The following ARIH1 variants were observed in gnomAD, a reference collection of about 807,000 sequenced individuals.
The protein encoded by ARIH1 is ariadne RBR E3 ubiquitin protein ligase 1, also known as E3 ubiquitin-protein ligase ARIH1.
In ARIH1, 8 loss-of-function variants were observed where a neutral mutation model predicts 85.0. The ratio of observed to expected loss-of-function variants is 0.09; its 90% CI spans 0.06 to 0.17. The LOEUF (loss-of-function observed/expected upper bound fraction) is 0.17. Ranked by LOEUF, ARIH1 falls within the 10% of genes least tolerant of loss-of-function variation. ARIH1 has a pLI of 1.00. For synonymous variants in ARIH1, 238 were observed against 253.6 expected (o/e 0.94, Z 0.59); for missense variants, 311 against 718.1 (o/e 0.43, Z 6.48).
intron 1 of ARIH1, among the ~76,000 whole-genome samples, chr15:72,500,884 A>C (rs2063900013): frequency 6.6e-6 from 1 of 152,214 alleles, no homozygotes; most frequent in African/African-American, 2.4e-5. Context: ...AACTTCTAAA[A>C]CTATGTATGT....
At position 72,518,072 on chromosome 15, in the gene ARIH1, A is replaced by G. The variant is rs1595859103; in HGVS notation, c.381A>G (p.Pro127=). ...TTTTTCCCCTCCTTCTTTAGAATCC[A>G]GCAACTATCACAAGAATACTCCTTA... ...IREVNEVIQN[P]ATITRILLSH... is the part of the protein sequence containing the mutation. Residue 127 remains proline, a synonymous_variant, in exon 2 of 14, where the codon CCA becomes CCG. Coordinates refer to ENST00000379887, the MANE Select transcript of ARIH1 (RefSeq NM_005744.5). The G allele has an allele frequency of 6.2e-7, 1 of 1,609,214 alleles. No individual in the cohort carries two copies. The highest frequency in any genetic ancestry group is 8.5e-7 in the Non-Finnish European group (1 of 1,176,646).
At chr15:72,525,979 T>A (rs1018558014) in intron 2 of ARIH1, among the ~76,000 whole-genome samples, 2 of 152,104 alleles carry the variant, frequency 1.3e-5, no homozygotes, top group South Asian at 4.1e-4. Context: ...GTTACCCATA[T>A]GGTAATCCTG....
Position 72,544,816 on chromosome 15 carries a change from G to A in ARIH1, c.444-4G>A. 6.2e-7 allele frequency: 1 copy of A among 1,610,250 alleles called. No individual in the cohort carries two copies. Among genetic ancestry groups the A allele is most frequent in the Non-Finnish European group, 8.5e-7 (1 of 1,177,362 alleles). ...CTCTTATCCTTTCTGTTTAAATAAT[G>A]CAGGTACTTTGATGGAAACCTGGAG... On this transcript the variant is annotated splice_polypyrimidine_tract_variant and splice_region_variant and intron_variant, in intron 2 of 13. Coordinates refer to ENST00000379887, the MANE Select transcript of ARIH1 (RefSeq NM_005744.5).
In ARIH1 at chr15:72,534,959, C is replaced by CTTTTTTTTTTTTTTTTTTTTTTTTTTTT. The variant is rs59841210; in HGVS notation, c.444-9850_444-9849insTTTTTTTTTTTTTTTTTTTTTTTTTTTT. On this transcript the variant is annotated intron_variant, in intron 2 of 13. Transcript: ENST00000379887. ...CCTATGTCTTCTTATTGTCTGTATTCTTTTTTTTTTTGAGACGGAGTCTCG... is the reference window on the plus strand; with the variant it reads ...CCTATGTCTTCTTATTGTCTGTATTCTTTTTTTTTTTTTTTTTTTTTTTTTTTTTTTTTTTTTTTGAGACGGAGTCTCG... Among the ~76,000 whole-genome samples the CTTTTTTTTTTTTTTTTTTTTTTTTTTTT allele has an allele frequency of 4.5e-4, 33 of 73,912 alleles. 13 individuals carry two copies. Among genetic ancestry groups the CTTTTTTTTTTTTTTTTTTTTTTTTTTTT allele is most frequent in the Non-Finnish European group, 8.8e-4 (25 of 28,460 alleles). The allele number at this position is 73,912 out of a possible 152,430, so 48.5% of individuals were successfully genotyped here.
At chr15:72,557,396 G>T (rs928630812) in intron 5 of ARIH1, among the ~76,000 whole-genome samples, 28 of 152,126 alleles carry the variant, frequency 1.8e-4, no homozygotes, top group African/African-American at 5.3e-4. Context: ...TTTAAATGGG[G>T]TTATTTGTTT....
chr15:72,528,638 G>C (rs1188063596), intron 2 of ARIH1, among the ~76,000 whole-genome samples: 1 of 152,144 alleles, frequency 6.6e-6, no homozygotes, highest in Non-Finnish European at 1.5e-5. Context: ...AAGATCGCTT[G>C]AGCGTAGGAG....
chr15:72,535,979 T>A (rs530629281), intron 2 of ARIH1, among the ~76,000 whole-genome samples: 99 of 152,314 alleles, frequency 6.5e-4, no homozygotes, highest in African/African-American at 2.4e-3. Context: ...AAATAAGTTA[T>A]AACATTTGGA....
chr15:72,519,475 GTTTTTTTTT>G (rs150165121), intron 2 of ARIH1, among the ~76,000 whole-genome samples: 4 of 62,574 alleles, frequency 6.4e-5, no homozygotes, highest in Admixed American at 2.4e-4. Flanking sequence ...TGTTTTTTTT[GTTTTTTTTT>G]TTTTTTTTTT....
At chr15:72,497,298 CTG>C (rs144389791) in intron 1 of ARIH1, among the ~76,000 whole-genome samples, 2,417 of 152,244 alleles carry the variant, frequency 0.016, 53 homozygotes, top group African/African-American at 0.055. Context: ...ATTCCTGACT[CTG>C]GAATATTTTG....
intron 1 of ARIH1, among the ~76,000 whole-genome samples, chr15:72,506,802 G>A (rs1280220267): frequency 6.6e-6 from 1 of 151,386 alleles, no homozygotes; most frequent in African/African-American, 2.4e-5. Context: ...GGTTTTGGAG[G>A]TTTTCTGTGT....
At chr15:72,514,821 T>G (rs556397291) in intron 1 of ARIH1, among the ~76,000 whole-genome samples, 44 of 150,502 alleles carry the variant, frequency 2.9e-4, no homozygotes, top group African/African-American at 9.8e-4. Context: ...GTAGAGGGGG[T>G]TTCACCCTCT....
chr15:72,500,439 A>G (rs2140401397), intron 1 of ARIH1, among the ~76,000 whole-genome samples: 1 of 152,244 alleles, frequency 6.6e-6, no homozygotes, highest in South Asian at 2.1e-4. Context: ...CTGAAGAGAT[A>G]TGTAAGTGTG....
At chr15:72,540,423 C>T (rs768925803) in intron 2 of ARIH1, among the ~76,000 whole-genome samples, 1 of 152,078 alleles carries the variant, frequency 6.6e-6, no homozygotes, top group East Asian at 1.9e-4. Flanking sequence ...ATAGGCCACT[C>T]CTAGTAAAAC....
rs186474535 is a variant in ARIH1, at chr15:72,521,625, T to G, written c.443+3491T>G. On this transcript the variant is annotated intron_variant, in intron 2 of 13. Transcript: ENST00000379887. Reference sequence around the variant, plus strand: ...TGCAAGTGGTGCCATCTCGGCTCACTGCAACCTCCGCCTTGTGAGTTCAAG... The same window carrying G: ...TGCAAGTGGTGCCATCTCGGCTCACGGCAACCTCCGCCTTGTGAGTTCAAG... Among the ~76,000 whole-genome samples, 38 of 152,182 alleles carry G rather than the reference T, an allele frequency of 2.5e-4. No homozygotes were observed. In the East Asian group the frequency reaches 6.9e-3, roughly 28 times the overall value.
chr15:72,566,772 G>A (rs1442183041), intron 8 of ARIH1, among the ~76,000 whole-genome samples, 167 bp downstream of exon 8: 2 of 151,882 alleles, frequency 1.3e-5, no homozygotes, highest in African/African-American at 4.8e-5. Context: ...CTTAGGATAA[G>A]CCAAGTCAGC....
chr15:72,518,220 T>G (rs2063983652), intron 2 of ARIH1, 86 bp downstream of exon 2: 1 of 1,120,946 alleles, frequency 8.9e-7, no homozygotes, highest in South Asian at 1.4e-5. Flanking sequence ...GTAAGGGAAT[T>G]GATGAATATA....
chr15:72,531,205 G>C (rs1489221410), intron 2 of ARIH1, among the ~76,000 whole-genome samples: 3 of 152,138 alleles, frequency 2.0e-5, no homozygotes, highest in African/African-American at 7.2e-5. Flanking sequence ...TGAAATTTCA[G>C]CACGAAAGCA....
Position 72,561,655 on chromosome 15 carries a change from T to C in ARIH1, c.804+106T>C, listed in dbSNP as rs1021454107. 4 of 709,214 alleles carry C rather than the reference T, an allele frequency of 5.6e-6. No individual in the cohort carries two copies. The South Asian group carries it at 8.4e-5, about 15-fold the overall frequency. 43.9% of individuals were successfully genotyped at this position (709,214 alleles called of 1,614,324 possible). A position where few individuals can be genotyped will look rare whatever the true frequency, so the allele number is the denominator to read the frequency against. ...ACAGTAAAAAACATCTTTAACATAT[T>C]TATGAAGCATGCCAAAATACCTTTA... On this transcript the variant is annotated intron_variant, in intron 6 of 13. Coordinates refer to ENST00000379887, the MANE Select transcript of ARIH1 (RefSeq NM_005744.5).
intron 9 of ARIH1, among the ~76,000 whole-genome samples, chr15:72,569,960 T>G (rs1202063752): frequency 6.6e-6 from 1 of 152,224 alleles, no homozygotes; most frequent in African/African-American, 2.4e-5. Flanking sequence ...AAACAAGTCC[T>G]TAAATTGTTG....
Sources: allele counts gnomAD v4.1 joint callset (sites outside exome capture counted in the v4.1 genomes callset), GRCh38; gene constraint gnomAD v4.1.1; transcripts MANE v1.5; gene names NCBI Gene and HGNC (gene_info 2026-07-23, HGNC 2026-07-21).